Variants in SHISA9 observed in about 807,000 individuals in gnomAD.
The protein encoded by SHISA9 is shisa family member 9.
In SHISA9, 13 loss-of-function variants were observed where a neutral mutation model predicts 38.0. The ratio of observed to expected loss-of-function variants is 0.34; its 90% CI spans 0.22 to 0.54. The LOEUF is 0.54. SHISA9 is among the 20% of genes least tolerant of loss of function. The pLI, the probability that SHISA9 is intolerant of heterozygous loss-of-function variation, is 0.91. For missense variants in SHISA9, 538 were observed against 575.8 expected, an observed-to-expected ratio of 0.93 and a Z score of 0.67; for synonymous variants, 275 against 242.0, an observed-to-expected ratio of 1.14 and a Z score of -1.27.
intron 2 of SHISA9, among the ~76,000 whole-genome samples, chr16:13,105,402 C>A (rs1285931985): frequency 6.6e-6 from 1 of 152,292 alleles, no homozygotes; most frequent in South Asian, 2.1e-4. Context: ...CCATCACCCT[C>A]CCTCCCACTT....
chr16:13,107,537 T>C (rs2141963352), intron 2 of SHISA9, among the ~76,000 whole-genome samples: 1 of 151,042 alleles, frequency 6.6e-6, no homozygotes, highest in Admixed American at 6.6e-5. Context: ...ACTTTAGTTC[T>C]AGCAAAGATC....
chr16:13,516,353 A>T, the SHISA9 span, among the ~76,000 whole-genome samples: 1,144 of 152,318 alleles, frequency 7.5e-3, 14 homozygotes, highest in Middle Eastern at 0.044. Context: ...ATGTTTTTAA[A>T]TTTTTTTCCT....
intron 4 of SHISA9, among the ~76,000 whole-genome samples, chr16:13,214,877 G>C (rs965321416): frequency 6.6e-6 from 1 of 152,132 alleles, no homozygotes; most frequent in Admixed American, 6.5e-5. Flanking sequence ...CACAACACCT[G>C]GGAATTGTGC....
At chr16:13,260,007 C>CTCTTTTTTTTTTTTTTT in the SHISA9 span, among the ~76,000 whole-genome samples, 4 of 60,416 alleles carry the variant, frequency 6.6e-5, no homozygotes, top group Admixed American at 2.8e-4. Context: ...TTCTTTCTTT[C>CTCTTTTTTTTTTTTTTT]TTTTTTTTTT....
At chr16:13,246,239 T>G in the SHISA9 span, 1 of 152,162 alleles carries the variant, frequency 6.6e-6, no homozygotes, top group African/African-American at 2.4e-5. Flanking sequence ...CCCATACTGT[T>G]TTCATGGAAG....
intron 2 of SHISA9, among the ~76,000 whole-genome samples, chr16:12,943,348 A>T (rs1232757621): frequency 1.9e-4 from 8 of 42,192 alleles, no homozygotes; most frequent in Non-Finnish European, 3.3e-4. Context: ...AGAGAGAGAG[A>T]GAGAGAGAGA....
chr16:12,916,670 A>T lies in SHISA9; in HGVS notation c.564-18A>T, dbSNP rs2071262233. 1 of 1,546,336 alleles carries T rather than the reference A, an allele frequency of 6.5e-7. No homozygotes were observed. The highest frequency in any genetic ancestry group is 1.4e-5 in the African/African-American group (1 of 72,608). On this transcript the variant is annotated intron_variant, in intron 1 of 4. Transcript: ENST00000558583. The stretch of plus-strand genomic sequence containing the variant: ...ATTGTGTTTTGAATGAACAGATTTA[A>T]ATTCTTTCTTCTTTCAGGGCCCTTG...
intron 2 of SHISA9, among the ~76,000 whole-genome samples, chr16:13,068,989 G>A (rs888628380): frequency 1.2e-4 from 18 of 151,870 alleles, no homozygotes; most frequent in African/African-American, 4.4e-4. Context: ...GTGTGTACAT[G>A]CAATGTGTGT....
intron 2 of SHISA9, among the ~76,000 whole-genome samples, chr16:13,069,838 A>C (rs2073490097): frequency 6.6e-6 from 1 of 152,024 alleles, no homozygotes; most frequent in African/African-American, 2.4e-5. Context: ...TCCCAGAGAG[A>C]TCCCTTGGCC....
chr16:12,928,529 A>T (rs2071422934), intron 2 of SHISA9, among the ~76,000 whole-genome samples: 1 of 152,238 alleles, frequency 6.6e-6, no homozygotes, highest in Admixed American at 6.5e-5. Flanking sequence ...ATACATGTTA[A>T]CTTTTCAGTT....
At chr16:12,974,504 T>C in intron 2 of SHISA9, among the ~76,000 whole-genome samples, 1 of 97,454 alleles carries the variant, frequency 1.0e-5, no homozygotes, top group African/African-American at 3.5e-5. Flanking sequence ...TTTTTTTTTT[T>C]TTCCGGAGTT....
intron 2 of SHISA9, among the ~76,000 whole-genome samples, chr16:13,159,404 A>C (rs1262955309): frequency 6.6e-6 from 1 of 152,192 alleles, no homozygotes; most frequent in Non-Finnish European, 1.5e-5. Flanking sequence ...ATTTATCTCC[A>C]GATCCCCAGT....
chr16:13,526,128 G>T, the SHISA9 span, among the ~76,000 whole-genome samples: 1 of 152,204 alleles, frequency 6.6e-6, no homozygotes, highest in Admixed American at 6.5e-5. Flanking sequence ...AAAGGGGAGA[G>T]CAAACTGGAG....
chr16:13,196,875 C>G (rs1188316181), intron 2 of SHISA9, among the ~76,000 whole-genome samples: 1 of 152,212 alleles, frequency 6.6e-6, no homozygotes, highest in Non-Finnish European at 1.5e-5. Flanking sequence ...AGGCAGGTCA[C>G]CTGAGGTCAG....
chr16:13,367,703 C>CGTGT, the SHISA9 span, among the ~76,000 whole-genome samples: 7 of 120,746 alleles, frequency 5.8e-5, no homozygotes, highest in South Asian at 8.5e-4. Flanking sequence ...TGCGTGCGCG[C>CGTGT]GCGCGCGCGC....
At chr16:13,417,512 C>G in the SHISA9 span, among the ~76,000 whole-genome samples, 25,312 of 152,126 alleles carry the variant, frequency 0.17, 2,722 homozygotes, top group East Asian at 0.37. Context: ...TGCTTCCTCT[C>G]TCTTGTTAGC....
the SHISA9 span, among the ~76,000 whole-genome samples, chr16:13,475,492 TA>T: frequency 2.0e-5 from 3 of 152,088 alleles, no homozygotes; most frequent in East Asian, 3.9e-4. Flanking sequence ...ATAGCAGAAA[TA>T]GGAGTGATCA....
At chr16:13,549,057 T>C in the SHISA9 span, among the ~76,000 whole-genome samples, 1 of 152,210 alleles carries the variant, frequency 6.6e-6, no homozygotes, top group Non-Finnish European at 1.5e-5. Context: ...ATTCCTGTTA[T>C]TTGCAGCAAT....
In SHISA9 at chr16:13,016,826, T is replaced by G. The variant is rs534511398; in HGVS notation, c.691+100011T>G. Among the ~76,000 whole-genome samples the G allele has an allele frequency of 1.0e-3, 153 of 152,308 alleles. 1 individual carries two copies. Among genetic ancestry groups the G allele is most frequent in the African/African-American group, 3.6e-3 (148 of 41,582 alleles). On this transcript the variant is annotated intron_variant, in intron 2 of 4. Coordinates refer to ENST00000558583, the MANE Select transcript of SHISA9 (RefSeq NM_001145204.3). Reference sequence around the variant, plus strand: ...CAGGGACATGTTGTTGTGGTACTTTTTAGTCACACTTTGGGGACATTAAAA... The same window carrying G: ...CAGGGACATGTTGTTGTGGTACTTTGTAGTCACACTTTGGGGACATTAAAA...
Sources: allele counts gnomAD v4.1 joint callset (sites outside exome capture counted in the v4.1 genomes callset), GRCh38; gene constraint gnomAD v4.1.1; transcripts MANE v1.5; gene names NCBI Gene and HGNC (gene_info 2026-07-23, HGNC 2026-07-21).